PTPRF: variants seen among roughly 807,000 people sequenced by gnomAD.
PTPRF encodes receptor-type tyrosine-protein phosphatase F.
In PTPRF, 59 loss-of-function variants were observed where a neutral mutation model predicts 201.8. That is an observed-to-expected ratio of 0.29 (90% CI 0.24 to 0.36). The LOEUF is 0.36. PTPRF is among the 10% of genes least tolerant of loss of function. The probability of loss-of-function intolerance (pLI) is 1.00; values close to 1 mark genes in which losing one functional copy is unlikely to be tolerated. For synonymous variants in PTPRF, 1,088 were observed against 1,089.7 expected (o/e 1.00, Z 0.03); for missense variants, 2,132 against 2,690.5 (o/e 0.79, Z 4.59).
Position 43,553,730 on chromosome 1 carries a change from G to A in PTPRF, c.238-70G>A. On this transcript the variant is annotated intron_variant, in intron 4 of 33. Transcript: ENST00000359947. The surrounding 1 kb of genome is among the most constrained non-coding windows in gnomAD (Gnocchi z 4.1). Reference sequence around the variant, plus strand: ...CTCCTCATGGACCTTTTGGAGGTGGGAGGACAACTGACCCTGAGCAGGCTC... The same window carrying A: ...CTCCTCATGGACCTTTTGGAGGTGGAAGGACAACTGACCCTGAGCAGGCTC... The A allele has an allele frequency of 3.7e-6, 6 of 1,609,672 alleles. No individual in the cohort carries two copies. The highest frequency in any genetic ancestry group is 1.1e-5 in the South Asian group (1 of 90,604).
At chr1:43,524,050 CAAAAAAAAAAA>C (rs57088994), upstream of PTPRF, among the ~76,000 whole-genome samples, 9 of 80,658 alleles carry the variant, frequency 1.1e-4, no homozygotes, top group Middle Eastern at 8.2e-3. Context: ...GAGACTCTGT[CAAAAAAAAAAA>C]AAAAAAAAAA....
rs1230088817 is a variant in PTPRF, at chr1:43,598,531, G to A, written c.2120-189G>A. The A allele has an allele frequency of 1.3e-5, 8 of 612,282 alleles. 1 individual carries two copies. In the South Asian group the frequency reaches 1.4e-4, roughly 11 times the overall value. The allele number at this position is 612,282 out of a possible 1,614,324, so 37.9% of individuals were successfully genotyped here. A position where few individuals can be genotyped will look rare whatever the true frequency, so the allele number is the denominator to read the frequency against. On this transcript the variant is annotated intron_variant, in intron 12 of 33. Transcript: ENST00000359947. ...AGAGGGGTGGGCAGGGCCAGTCCTG[G>A]GCTCTTACCCGTGGCGGGCAGAGGG...
intron 2 of PTPRF, among the ~76,000 whole-genome samples, chr1:43,543,998 C>G (rs1011160531): frequency 6.6e-6 from 1 of 152,176 alleles, no homozygotes; most frequent in African/African-American, 2.4e-5. Flanking sequence ...ACCAGTGGGG[C>G]CAGGGAGTGA....
At chr1:43,527,902 T>C (rs777790352), upstream of PTPRF, among the ~76,000 whole-genome samples, 5 of 152,268 alleles carry the variant, frequency 3.3e-5, no homozygotes, top group Non-Finnish European at 7.3e-5. Flanking sequence ...TAGTCATTTA[T>C]GTCTGATGGT....
At chr1:43,577,657 G>T (rs1184506622) in intron 6 of PTPRF, among the ~76,000 whole-genome samples, 1 of 152,170 alleles carries the variant, frequency 6.6e-6, no homozygotes. Context: ...GGGGGGGCCC[G>T]GCAGCTTCTG....
At chr1:43,593,952 C>T (rs1651555703) in intron 11 of PTPRF, among the ~76,000 whole-genome samples, 1 of 152,056 alleles carries the variant, frequency 6.6e-6, no homozygotes, top group South Asian at 2.1e-4. Flanking sequence ...TGCCATTGTA[C>T]TGCAGCCTGG....
intron 7 of PTPRF, among the ~76,000 whole-genome samples, chr1:43,586,994 C>T (rs991470170): frequency 2.6e-5 from 4 of 152,212 alleles, no homozygotes; most frequent in African/African-American, 9.7e-5. Flanking sequence ...CCCTGAATGT[C>T]TACAAGATAC....
At chr1:43,592,061 C>CT in intron 10 of PTPRF, 113 bp downstream of exon 10, 1 of 1,452,012 alleles carries the variant, frequency 6.9e-7, no homozygotes, top group Non-Finnish European at 9.4e-7. Context: ...GGCACAGCCT[C>CT]TAAGGTTTCT....
In PTPRF at chr1:43,569,581, T is replaced by G; in HGVS notation, c.380-9T>G. 1 of 1,593,596 alleles carries G rather than the reference T, an allele frequency of 6.3e-7. No individual in the cohort carries two copies. Among genetic ancestry groups the G allele is most frequent in the Non-Finnish European group, 8.6e-7 (1 of 1,167,626 alleles). ...CAGCCCTAATACACACATTGCTGTT[T>G]GTCTGCAGAGGAACAGCTGCCCCCT... On this transcript the variant is annotated splice_polypyrimidine_tract_variant and intron_variant, in intron 5 of 33. Transcript: ENST00000359947.
At chr1:43,563,637 G>A (rs985006818) in intron 5 of PTPRF, among the ~76,000 whole-genome samples, 4 of 152,236 alleles carry the variant, frequency 2.6e-5, no homozygotes, top group Non-Finnish European at 5.9e-5. Context: ...TCAGCAGGGC[G>A]GGGTGCTGCC....
At chr1:43,536,982 T>C (rs372946057) in intron 1 of PTPRF, among the ~76,000 whole-genome samples, 10 of 152,116 alleles carry the variant, frequency 6.6e-5, no homozygotes, top group African/African-American at 1.2e-4. Context: ...CTTGGGCCGG[T>C]GAGGACATTC....
intron 11 of PTPRF, among the ~76,000 whole-genome samples, chr1:43,595,170 G>T (rs542872219): frequency 1.3e-5 from 2 of 152,254 alleles, no homozygotes; most frequent in African/African-American, 4.8e-5. Flanking sequence ...GCTAGAGAGG[G>T]CCGTGGAGCT....
chr1:43,591,030 C>G lies in PTPRF; in HGVS notation c.1008C>G (p.Thr336=). ...VVTETTATSV[T]LTWDSGNSEP... ...CAGAGACAACTGCCACCAGTGTCAC[C>G]CTCACCTGGGACTCTGGGAACTCGG... The change falls in exon 9 of 34, where the codon ACC becomes ACG. Residue 336 remains threonine (T), a synonymous_variant. Transcript: ENST00000359947. The G allele has an allele frequency of 6.2e-7, 1 of 1,614,000 alleles. No individual in the cohort carries two copies. Among genetic ancestry groups the G allele is most frequent in the Non-Finnish European group, 8.5e-7 (1 of 1,179,962 alleles).
intron 19 of PTPRF, 70 bp downstream of exon 19, chr1:43,605,692 G>A: frequency 1.4e-6 from 2 of 1,430,314 alleles, no homozygotes; most frequent in Non-Finnish European, 2.0e-6. Context: ...CCTGCCCTGA[G>A]CACTGTCCCA....
At chr1:43,525,500 A>G (rs372072457), upstream of PTPRF, among the ~76,000 whole-genome samples, 1 of 152,080 alleles carries the variant, frequency 6.6e-6, no homozygotes, top group East Asian at 1.9e-4. Context: ...GGGAAGAGTC[A>G]TTATATCAAG....
intron 1 of PTPRF, among the ~76,000 whole-genome samples, chr1:43,536,639 G>A (rs988248082): frequency 1.3e-5 from 2 of 152,232 alleles, no homozygotes; most frequent in Non-Finnish European, 2.9e-5. Flanking sequence ...GAGGCCCTGC[G>A]GGCATCTCTA....
rs752983554 is a variant in PTPRF at position 43,619,359 on chromosome 1, C to T, written c.4718C>T (p.Thr1573Met). The change falls in exon 28 of 34, where the codon ACG (threonine) becomes ATG (methionine). Residue 1573 changes from threonine to methionine, a missense_variant. Thr to Met is a moderately conservative substitution (Grantham distance 81, BLOSUM62 -1). Around this residue, in one of 6 missense-constraint regions of PTPRF, gnomAD observed 519 missense variants for 659.5 expected, o/e 0.79. Coordinates refer to ENST00000359947, the MANE Select transcript of PTPRF (RefSeq NM_002840.5). Reference protein sequence around the residue: ...AMLERMKHEKTVDIYGHVTCM... With the variant: ...AMLERMKHEKMVDIYGHVTCM... ...TTGGAGCGGATGAAGCACGAGAAGA[C>T]GGTGGACATCTATGGCCACGTGACC... The T allele has an allele frequency of 2.1e-5, 34 of 1,613,906 alleles. No individual in the cohort carries two copies. Among genetic ancestry groups the T allele is most frequent in the Admixed American group, 1.7e-5 (1 of 60,008 alleles).
intron 6 of PTPRF, among the ~76,000 whole-genome samples, chr1:43,578,180 G>C (rs566102466): frequency 6.6e-6 from 1 of 152,244 alleles, no homozygotes; most frequent in African/African-American, 2.4e-5. Context: ...TGCAGGAGCC[G>C]TGGTGGGTCG....
At chr1:43,575,392 G>A (rs1241040254) in intron 6 of PTPRF, among the ~76,000 whole-genome samples, 3 of 152,130 alleles carry the variant, frequency 2.0e-5, no homozygotes, top group Admixed American at 6.5e-5. Flanking sequence ...CCTGCTGCCC[G>A]TTCCTCTCGG....
Sources: allele counts gnomAD v4.1 joint callset (sites outside exome capture counted in the v4.1 genomes callset), GRCh38; gene constraint gnomAD v4.1.1; regional missense constraint gnomAD v4.1.1; non-coding constraint Gnocchi (gnomAD v3.1); transcripts MANE v1.5; gene names NCBI Gene and HGNC (gene_info 2026-07-23, HGNC 2026-07-21).